Variants in RAB38 observed in about 807,000 individuals in gnomAD.
RAB38 encodes ras-related protein Rab-38.
A neutral mutation model predicts 18.4 loss-of-function variants in RAB38; 15 were observed. The ratio of observed to expected loss-of-function variants is 0.82; its 90% CI spans 0.55 to 1.26. The LOEUF (loss-of-function observed/expected upper bound fraction) is 1.26. Ranked by LOEUF, RAB38 falls within the 50% of genes most tolerant of loss-of-function variation. The probability of loss-of-function intolerance (pLI) is 0.00; values close to 1 mark genes in which losing one functional copy is unlikely to be tolerated. For synonymous variants in RAB38, 101 were observed against 104.4 expected (o/e 0.97, Z 0.20); for missense variants, 294 against 267.4 (o/e 1.10, Z -0.69).
chr11:88,006,149 C>G, the RAB38 span, among the ~76,000 whole-genome samples: 2 of 138,986 alleles, frequency 1.4e-5, no homozygotes, highest in Admixed American at 7.7e-5. Context: ...AGAAGACATA[C>G]AGATGACCAA....
chr11:87,878,701 T>C, the RAB38 span, among the ~76,000 whole-genome samples: 3 of 151,688 alleles, frequency 2.0e-5, no homozygotes. Context: ...ATACCACATA[T>C]GGGTAAGCAA....
the RAB38 span, among the ~76,000 whole-genome samples, chr11:88,036,353 G>C: frequency 3.9e-5 from 6 of 152,140 alleles, no homozygotes; most frequent in African/African-American, 1.4e-4. Flanking sequence ...ATCGCTACCA[G>C]AGTAACATTG....
chr11:87,821,666 A>G, the RAB38 span, among the ~76,000 whole-genome samples: 1 of 152,014 alleles, frequency 6.6e-6, no homozygotes, highest in Non-Finnish European at 1.5e-5. Flanking sequence ...CCTGGCCAAC[A>G]TGACAAAACC....
At chr11:88,055,133 A>C in the RAB38 span, among the ~76,000 whole-genome samples, 1 of 152,200 alleles carries the variant, frequency 6.6e-6, no homozygotes. Flanking sequence ...GCTATTCAAG[A>C]GGCTGAAGTA....
At chr11:87,956,118 T>G in the RAB38 span, among the ~76,000 whole-genome samples, 8 of 145,370 alleles carry the variant, frequency 5.5e-5, no homozygotes, top group Admixed American at 5.6e-4. Context: ...CATACATACA[T>G]GCATATACCT....
At chr11:87,967,928 C>A in the RAB38 span, among the ~76,000 whole-genome samples, 4 of 152,118 alleles carry the variant, frequency 2.6e-5, no homozygotes. Flanking sequence ...GTATGGGACA[C>A]TAACAGTCCA....
rs777409146 is a variant in RAB38 at position 88,114,119 on chromosome 11, C to T, written c.505G>A (p.Ala169Thr). Residue 169 changes from alanine to threonine, a missense_variant, in exon 3 of 3, where the codon GCC becomes ACC. By Grantham distance (58) the Ala-to-Thr change is moderately conservative (BLOSUM62 0). Coordinates refer to ENST00000243662, the MANE Select transcript of RAB38 (RefSeq NM_022337.3). ...SAKENINIDE[A>T]SRCLVKHILA... Reference sequence around the variant, plus strand: ...ATGTGTTTCACCAGGCATCTGGAGGCTTCATCAATGTTTATATTTTCCTAT... The same window carrying T: ...ATGTGTTTCACCAGGCATCTGGAGGTTTCATCAATGTTTATATTTTCCTAT... 1.2e-6 allele frequency: 2 copies of T among 1,614,112 alleles called. No individual in the cohort carries two copies. Among genetic ancestry groups the T allele is most frequent in the Admixed American group, 1.7e-5 (1 of 60,020 alleles).
chr11:88,155,500 A>G (rs1483807560), intron 1 of RAB38, among the ~76,000 whole-genome samples: 5 of 152,232 alleles, frequency 3.3e-5, no homozygotes, highest in African/African-American at 1.2e-4. Flanking sequence ...AGAAAAAAAT[A>G]GCAATAGTAT....
intron 2 of RAB38, among the ~76,000 whole-genome samples, chr11:88,136,493 C>T (rs369721230): frequency 2.6e-5 from 4 of 152,058 alleles, no homozygotes; most frequent in African/African-American, 4.8e-5. Context: ...ATAACCCTTT[C>T]GAAAACAAGG....
At chr11:87,816,381 CT>C in the RAB38 span, 19 of 152,252 alleles carry the variant, frequency 1.2e-4, no homozygotes, top group African/African-American at 4.6e-4. Flanking sequence ...GGCTAATAGT[CT>C]TTTTAATTTA....
At chr11:88,146,028 G>A (rs1183693578) in intron 2 of RAB38, among the ~76,000 whole-genome samples, 1 of 152,160 alleles carries the variant, frequency 6.6e-6, no homozygotes, top group Non-Finnish European at 1.5e-5. Context: ...TTTAATATTG[G>A]AAGAGATAAT....
the RAB38 span, among the ~76,000 whole-genome samples, chr11:87,880,563 C>T: frequency 6.6e-6 from 1 of 151,910 alleles, no homozygotes; most frequent in East Asian, 2.0e-4. Flanking sequence ...AATACACTGA[C>T]TAATACACTG....
At chr11:87,940,178 A>G in the RAB38 span, among the ~76,000 whole-genome samples, 1 of 151,614 alleles carries the variant, frequency 6.6e-6, no homozygotes, top group Non-Finnish European at 1.5e-5. Flanking sequence ...AAAAAAAAAA[A>G]AAGAGAGAGA....
the RAB38 span, among the ~76,000 whole-genome samples, chr11:88,094,588 T>C: frequency 6.6e-6 from 1 of 151,934 alleles, no homozygotes. Flanking sequence ...TCAAACATTA[T>C]GTGAACTCTT....
the RAB38 span, among the ~76,000 whole-genome samples, chr11:87,973,063 A>G: frequency 1.3e-5 from 2 of 151,992 alleles, no homozygotes; most frequent in African/African-American, 2.4e-5. Context: ...CTCCCCAGCC[A>G]TGCTTCCTGC....
At chr11:88,057,043 CT>C in the RAB38 span, among the ~76,000 whole-genome samples, 1 of 151,876 alleles carries the variant, frequency 6.6e-6, no homozygotes, top group Non-Finnish European at 1.5e-5. Context: ...GACCTGATCC[CT>C]TCCTTCATCC....
the RAB38 span, among the ~76,000 whole-genome samples, chr11:87,976,679 ATTTATATATTTAC>A: frequency 1.5e-4 from 14 of 92,240 alleles, no homozygotes; most frequent in Admixed American, 3.9e-4. Flanking sequence ...TATGATATAT[ATTTATATATTTAC>A]AATATATTTT....
chr11:87,972,442 T>C, the RAB38 span, among the ~76,000 whole-genome samples: 1 of 152,022 alleles, frequency 6.6e-6, no homozygotes, highest in Non-Finnish European at 1.5e-5. Flanking sequence ...TTATAAGCCC[T>C]GGTATTTGGT....
chr11:87,851,206 G>T, the RAB38 span, among the ~76,000 whole-genome samples: 85 of 152,248 alleles, frequency 5.6e-4, no homozygotes, highest in African/African-American at 1.9e-3. Flanking sequence ...TACCCCAAAG[G>T]ACATTTATTT....
Sources: gnomAD v4.1 joint callset for allele counts (sites outside exome capture counted in the v4.1 genomes callset) on GRCh38, gnomAD v4.1.1 for gene constraint, MANE v1.5 for transcripts, NCBI Gene and HGNC (gene_info 2026-07-23, HGNC 2026-07-21) for gene names.